The following CHRM3 variants were observed in gnomAD, a reference collection of about 807,000 sequenced individuals.
CHRM3 encodes the protein cholinergic receptor muscarinic 3.
In CHRM3, 11 loss-of-function variants were observed where a neutral mutation model predicts 41.8. That is an observed-to-expected ratio of 0.26 (90% CI 0.17 to 0.44). The LOEUF (loss-of-function observed/expected upper bound fraction) is 0.44. Among genes scored for constraint, CHRM3 ranks in the 20% least tolerant of loss-of-function variants. CHRM3 has a pLI of 1.00. For missense variants in CHRM3, 571 were observed against 745.4 expected, an observed-to-expected ratio of 0.77 and a Z score of 2.72; for synonymous variants, 297 against 301.4, an observed-to-expected ratio of 0.99 and a Z score of 0.15.
At chr1:239,425,932 T>C (rs983810948) in intron 1 of CHRM3, among the ~76,000 whole-genome samples, 5 of 152,176 alleles carry the variant, frequency 3.3e-5, no homozygotes, top group Non-Finnish European at 7.3e-5. Flanking sequence ...AGCCAGCTCA[T>C]ACCAGCTCAG....
chr1:239,902,554 G>A lies in CHRM3; in HGVS notation c.-19-4879G>A, dbSNP rs181384194. ...ATCAGAACCCCAAATGAGTACCCACGACTTCCTAAACATTTCTGTCTTCGT... is the reference window on the plus strand; with the variant it reads ...ATCAGAACCCCAAATGAGTACCCACAACTTCCTAAACATTTCTGTCTTCGT... On this transcript the variant is annotated intron_variant, in intron 6 of 6. Coordinates refer to ENST00000676153, the MANE Select transcript of CHRM3 (RefSeq NM_001375978.1). Among the ~76,000 whole-genome samples, 335 of 152,264 alleles carry A rather than the reference G, an allele frequency of 2.2e-3. 1 individual carries two copies. The highest frequency in any genetic ancestry group is 7.3e-3 in the African/African-American group (302 of 41,542).
intron 3 of CHRM3, among the ~76,000 whole-genome samples, chr1:239,582,037 G>A (rs1343692229): frequency 6.6e-6 from 1 of 152,078 alleles, no homozygotes; most frequent in Non-Finnish European, 1.5e-5. Context: ...TAAGTACTCT[G>A]CAAATACATG....
At chr1:239,418,534 T>C (rs1182968210) in intron 1 of CHRM3, among the ~76,000 whole-genome samples, 10 of 152,228 alleles carry the variant, frequency 6.6e-5, no homozygotes, top group Admixed American at 6.5e-4. Flanking sequence ...CTTAGAAGCA[T>C]TTTGTAATTT....
chr1:239,644,272 G>A (rs1016167918), intron 4 of CHRM3, among the ~76,000 whole-genome samples: 13 of 152,132 alleles, frequency 8.5e-5, no homozygotes, highest in South Asian at 8.3e-4. Context: ...AGAACAAGTC[G>A]ATAATAGACT....
At chr1:239,404,406 AAGAAAAAGAAAGAAAGAAAGAAAGAAAG>A (rs1558195667) in intron 1 of CHRM3, among the ~76,000 whole-genome samples, 135 of 53,908 alleles carry the variant, frequency 2.5e-3, no homozygotes, top group Admixed American at 8.9e-3. Flanking sequence ...GAAAGAAAGA[AAGAAAAAGAAAGAAAGAAAGAAAGAAAG>A]AAAGAAAGAA....
intron 5 of CHRM3, among the ~76,000 whole-genome samples, chr1:239,715,045 G>T (rs1662198794): frequency 6.6e-6 from 1 of 152,136 alleles, no homozygotes; most frequent in Non-Finnish European, 1.5e-5. Flanking sequence ...ATGATGTCCT[G>T]AAGCCAGAGA....
At chr1:239,801,533 C>T (rs1670212505) in intron 5 of CHRM3, among the ~76,000 whole-genome samples, 1 of 152,118 alleles carries the variant, frequency 6.6e-6, no homozygotes, top group Non-Finnish European at 1.5e-5. Context: ...TTCATGATAA[C>T]AATAAGCAGA....
chr1:239,445,444 G>A (rs1321749669), intron 1 of CHRM3, among the ~76,000 whole-genome samples: 1 of 152,158 alleles, frequency 6.6e-6, no homozygotes, highest in Admixed American at 6.5e-5. Flanking sequence ...AGTAGGAGCT[G>A]GAATGGAAAC....
chr1:239,816,153 G>A (rs1671563006), intron 5 of CHRM3, among the ~76,000 whole-genome samples: 1 of 152,116 alleles, frequency 6.6e-6, no homozygotes, highest in Admixed American at 6.6e-5. Context: ...AGGTGGCCTA[G>A]TAGCTGGCAG....
At chr1:239,474,610 T>C (rs1358152367) in intron 1 of CHRM3, among the ~76,000 whole-genome samples, 1 of 152,032 alleles carries the variant, frequency 6.6e-6, no homozygotes, top group Non-Finnish European at 1.5e-5. Context: ...GGAAATATAA[T>C]GAGACAAATA....
chr1:239,829,552 G>A (rs1027124061), intron 6 of CHRM3, among the ~76,000 whole-genome samples: 3 of 152,082 alleles, frequency 2.0e-5, no homozygotes, highest in Non-Finnish European at 1.5e-5. Flanking sequence ...AAAAAAGCAT[G>A]TATTTTCAGA....
intron 2 of CHRM3, among the ~76,000 whole-genome samples, chr1:239,515,421 T>G (rs1669202061): frequency 1.3e-5 from 2 of 151,566 alleles, no homozygotes; most frequent in African/African-American, 2.4e-5. Context: ...TGTTTTTTTT[T>G]TTTTTAATTC....
At chr1:239,528,880 G>T (rs765498361) in intron 2 of CHRM3, among the ~76,000 whole-genome samples, 9 of 152,308 alleles carry the variant, frequency 5.9e-5, no homozygotes, top group Non-Finnish European at 7.4e-5. Context: ...GCAACAGAGT[G>T]AGAGTTGGTC....
chr1:239,627,643 G>T (rs1001750292), intron 3 of CHRM3, among the ~76,000 whole-genome samples: 2 of 145,380 alleles, frequency 1.4e-5, no homozygotes, highest in East Asian at 4.1e-4. Flanking sequence ...GCTGGTACCC[G>T]TTGTTCCTTT....
intron 3 of CHRM3, among the ~76,000 whole-genome samples, chr1:239,583,183 A>C (rs1663066794): frequency 1.3e-5 from 2 of 152,214 alleles, no homozygotes; most frequent in African/African-American, 4.8e-5. Context: ...TGGGCAGGTC[A>C]CATGTATGAG....
chr1:239,546,322 A>T (rs1317649563), intron 3 of CHRM3: 1 of 152,110 alleles, frequency 6.6e-6, no homozygotes, highest in African/African-American at 2.4e-5. Context: ...TCATTTGAAA[A>T]GTGAAAGGAA....
At chr1:239,858,983 C>T (rs1179475852) in intron 6 of CHRM3, among the ~76,000 whole-genome samples, 1 of 152,168 alleles carries the variant, frequency 6.6e-6, no homozygotes, top group Admixed American at 6.5e-5. Context: ...ACATTTTTAT[C>T]CATTCATCAG....
At position 239,697,497 on chromosome 1, in the gene CHRM3, CAGAAGG is replaced by C. The variant is rs145984153; in HGVS notation, c.-147+19215_-147+19220del. 7.9e-3 allele frequency among the ~76,000 whole-genome samples: 1,200 copies of C among 152,120 alleles called. 17 individuals carry two copies. Among genetic ancestry groups the C allele is most frequent in the African/African-American group, 0.027 (1,131 of 41,480 alleles). ...AATAAAATCACCATTTAGCATGTTT[CAGAAGG>C]AGAAGCATTTGAGCAAAAAATGATA... On this transcript the variant is annotated intron_variant, in intron 5 of 6. Transcript: ENST00000676153.
At chr1:239,580,704 T>TATATATATATATATATATATACACATAC (rs570878631) in intron 3 of CHRM3, among the ~76,000 whole-genome samples, 1 of 131,070 alleles carries the variant, frequency 7.6e-6, no homozygotes, top group Admixed American at 8.2e-5. Context: ...TATATATATA[T>TATATATATATATATATATATACACATAC]ACACACACAC....
Sources: allele counts gnomAD v4.1 joint callset (sites outside exome capture counted in the v4.1 genomes callset), GRCh38; gene constraint gnomAD v4.1.1; transcripts MANE v1.5; gene names NCBI Gene and HGNC (gene_info 2026-07-23, HGNC 2026-07-21).